The following HMCN1 variants were observed in gnomAD, a reference collection of about 807,000 sequenced individuals.
The protein encoded by HMCN1 is hemicentin-1.
In HMCN1, 321 loss-of-function variants were observed where a neutral mutation model predicts 625.9. The ratio of observed to expected loss-of-function variants is 0.51; its 90% CI spans 0.47 to 0.56. The LOEUF (loss-of-function observed/expected upper bound fraction) is 0.56, where lower values mean the gene tolerates loss of function less well. Ranked by LOEUF, HMCN1 falls within the 20% of genes least tolerant of loss-of-function variation. The pLI, the probability that HMCN1 is intolerant of heterozygous loss-of-function variation, is 0.00. For synonymous variants in HMCN1, 2,425 were observed against 2,417.6 expected, an observed-to-expected ratio of 1.00 and a Z score of -0.09; for missense variants, 6,588 against 6,887.3, an observed-to-expected ratio of 0.96 and a Z score of 1.54.
chr1:186,103,490 G>A lies in HMCN1; in HGVS notation c.10592G>A (p.Gly3531Glu), dbSNP rs752255369. ...TAAATAGAACCACCTCACATTAATG[G>A]ATCTGAAGAACATGAAGAGATATCA... ...LKVLEPPHIN[G>E]SEEHEEISVI... The change falls in exon 69 of 107, where the codon GGA becomes GAA. Residue 3531 changes from glycine (G) to glutamate (E), a missense_variant. By Grantham distance (98) the Gly-to-Glu change is moderately conservative (BLOSUM62 -2). Coordinates refer to ENST00000271588, the MANE Select transcript of HMCN1 (RefSeq NM_031935.3). The A allele has an allele frequency of 4.7e-5, 75 of 1,612,844 alleles. No homozygotes were observed. The Middle Eastern group carries it at 4.9e-4, about 11-fold the overall frequency.
At chr1:186,106,082 T>C (rs1660593859) in intron 69 of HMCN1, among the ~76,000 whole-genome samples, 1 of 152,170 alleles carries the variant, frequency 6.6e-6, no homozygotes, top group African/African-American at 2.4e-5. Flanking sequence ...ACCTCTAAAG[T>C]CAGTTTGAAT....
chr1:185,908,318 T>C (rs1269649006), intron 4 of HMCN1, among the ~76,000 whole-genome samples: 1 of 151,970 alleles, frequency 6.6e-6, no homozygotes, highest in African/African-American at 2.4e-5. Context: ...CACTTACACC[T>C]AAATTTCAAA....
At chr1:185,894,258 G>A (rs1348608956) in intron 4 of HMCN1, among the ~76,000 whole-genome samples, 3 of 152,180 alleles carry the variant, frequency 2.0e-5, no homozygotes, top group African/African-American at 7.2e-5. Context: ...GTACACTTCA[G>A]TTGCTGGCTT....
At chr1:186,070,809 T>C (rs774030812) in intron 52 of HMCN1, 52 bp downstream of exon 52, 1 of 1,558,210 alleles carries the variant, frequency 6.4e-7, no homozygotes, top group Non-Finnish European at 8.9e-7. Context: ...ACTAAAATGG[T>C]CAATTGAAAA....
chr1:186,062,819 C>CCACCCTCT (rs1312870176), intron 48 of HMCN1, among the ~76,000 whole-genome samples: 1 of 151,520 alleles, frequency 6.6e-6, no homozygotes, highest in Non-Finnish European at 1.5e-5. Context: ...AATCCCTCTC[C>CCACCCTCT]CACCCTCTCA....
intron 14 of HMCN1, among the ~76,000 whole-genome samples, chr1:185,970,007 A>G (rs1486230194): frequency 6.6e-6 from 1 of 152,214 alleles, no homozygotes; most frequent in Non-Finnish European, 1.5e-5. Flanking sequence ...CAAAGATGGT[A>G]GAAACTTCCT....
In HMCN1 at chr1:186,189,582, C is replaced by G; in HGVS notation, c.16612C>G (p.Leu5538Val). Residue 5538 changes from leucine to valine, a missense_variant, in exon 107 of 107, where the codon CTC (leucine) becomes GTC (valine). By Grantham distance (32) the Leu-to-Val change is conservative. Coordinates refer to ENST00000271588, the MANE Select transcript of HMCN1 (RefSeq NM_031935.3). ...ALSPYALEYK[L>V]VSLPFGIATN... is the part of the protein sequence containing the mutation. ...GAGCCCATATGCCTTGGAATACAAA[C>G]TCGTCTCCCTCCCATTTGGAATAGC... 6.2e-7 allele frequency: 1 copy of G among 1,613,658 alleles called. No homozygotes were observed. The highest frequency in any genetic ancestry group is 8.5e-7 in the Non-Finnish European group (1 of 1,179,738).
chr1:185,930,409 C>G (rs1398845225), intron 10 of HMCN1, among the ~76,000 whole-genome samples: 4 of 152,156 alleles, frequency 2.6e-5, no homozygotes, highest in Non-Finnish European at 5.9e-5. Context: ...GCTGAGGTCC[C>G]AGCTCAGCCA....
chr1:186,158,379 C>T (rs990522223), intron 97 of HMCN1, among the ~76,000 whole-genome samples: 6 of 152,042 alleles, frequency 3.9e-5, no homozygotes, highest in African/African-American at 7.3e-5. Flanking sequence ...TTCTCCCATG[C>T]TGTAGGTTGC....
At chr1:186,074,195 T>G (rs1658650760) in intron 52 of HMCN1, among the ~76,000 whole-genome samples, 1 of 150,550 alleles carries the variant, frequency 6.6e-6, no homozygotes, top group Admixed American at 6.7e-5. Context: ...CGAATATATG[T>G]AAGTTAATAT....
At chr1:185,924,829 C>T (rs1042584809) in intron 8 of HMCN1, among the ~76,000 whole-genome samples, 4 of 151,758 alleles carry the variant, frequency 2.6e-5, no homozygotes, top group African/African-American at 9.7e-5. Flanking sequence ...TCAATGAATA[C>T]TGTAGTAAGG....
rs749003801 is a variant in HMCN1 at position 186,088,032 on chromosome 1, T to C, written c.9445+19T>C. 1.2e-6 allele frequency: 2 copies of C among 1,612,476 alleles called. No homozygotes were observed. Among genetic ancestry groups the C allele is most frequent in the Non-Finnish European group, 1.7e-6 (2 of 1,178,860 alleles). ...GTATATGGTGAGCATTTGCCTCTAA[T>C]ACAACTCTTTTTCCCCTAGATATGC... is the stretch of plus-strand genomic sequence containing the variant. On this transcript the variant is annotated intron_variant, in intron 61 of 106. Coordinates refer to ENST00000271588, the MANE Select transcript of HMCN1 (RefSeq NM_031935.3).
At chr1:185,735,137 C>A in intron 1 of HMCN1, 90 bp downstream of exon 1, 1 of 1,411,012 alleles carries the variant, frequency 7.1e-7, no homozygotes, top group Non-Finnish European at 9.9e-7. Flanking sequence ...CAGGAAGTTT[C>A]AAAACCATTT....
At chr1:185,865,704 C>T in intron 3 of HMCN1, 37 bp from the exon 4 acceptor site, 1 of 1,580,050 alleles carries the variant, frequency 6.3e-7, no homozygotes, top group Non-Finnish European at 8.6e-7. Flanking sequence ...TTTCTGGAAA[C>T]CCTTTACACT....
chr1:185,865,612 C>T (rs1323865176), intron 3 of HMCN1, 129 bp from the exon 4 acceptor site: 7 of 706,594 alleles, frequency 9.9e-6, no homozygotes, highest in Admixed American at 2.2e-5. Flanking sequence ...CACACACACA[C>T]ACACACACAC....
Position 186,190,372 on chromosome 1 carries a change from G to A in HMCN1, c.*494G>A. ...GTATTGATACATTATAATAGGACTTGCCTATTTTCATTTTTAAGAAGAAAA... is the reference window on the plus strand; with the variant it reads ...GTATTGATACATTATAATAGGACTTACCTATTTTCATTTTTAAGAAGAAAA... On this transcript the variant is annotated 3_prime_UTR_variant, in exon 107 of 107. Coordinates refer to ENST00000271588, the MANE Select transcript of HMCN1 (RefSeq NM_031935.3). 5.0e-6 allele frequency: 1 copy of A among 198,200 alleles called. No individual in the cohort carries two copies. Among genetic ancestry groups the A allele is most frequent in the Non-Finnish European group, 1.0e-5 (1 of 95,760 alleles). 12.3% of individuals were successfully genotyped at this position (198,200 alleles called of 1,614,324 possible).
chr1:186,103,776 T>G, intron 69 of HMCN1, 108 bp downstream of exon 69: 1 of 911,140 alleles, frequency 1.1e-6, no homozygotes, highest in Non-Finnish European at 1.7e-6. Flanking sequence ...ATCACAGATC[T>G]GTGTAACTGG....
chr1:185,803,355 G>A (rs1324693777), intron 1 of HMCN1, among the ~76,000 whole-genome samples: 2 of 151,904 alleles, frequency 1.3e-5, no homozygotes, highest in African/African-American at 4.8e-5. Flanking sequence ...TATGACTACA[G>A]TTTCATTACA....
intron 1 of HMCN1, among the ~76,000 whole-genome samples, chr1:185,816,603 GAACAT>G (rs1659858712): frequency 6.6e-6 from 1 of 152,170 alleles, no homozygotes; most frequent in African/African-American, 2.4e-5. Context: ...AGGCAGCTTG[GAACAT>G]AACATGGAAA....
Sources: allele counts gnomAD v4.1 joint callset (sites outside exome capture counted in the v4.1 genomes callset), GRCh38; gene constraint gnomAD v4.1.1; transcripts MANE v1.5; gene names NCBI Gene and HGNC (gene_info 2026-07-23, HGNC 2026-07-21).